The following GHR variants were observed in gnomAD, a reference collection of about 807,000 sequenced individuals.
GHR encodes the protein GH receptor.
A neutral mutation model predicts 67.1 loss-of-function variants in GHR; 35 were observed. The observed-to-expected ratio is 0.52, with a 90% CI of 0.40 to 0.69. The LOEUF is 0.69. Among genes scored for constraint, GHR ranks in the 30% least tolerant of loss-of-function variants. The pLI, the probability that GHR is intolerant of heterozygous loss-of-function variation, is 0.00. For missense variants in GHR, 792 were observed against 764.6 expected (o/e 1.04, Z -0.42); for synonymous variants, 272 against 269.1 (o/e 1.01, Z -0.10).
At chr5:42,525,905 A>G (rs1489941013) in intron 1 of GHR, among the ~76,000 whole-genome samples, 2 of 152,216 alleles carry the variant, frequency 1.3e-5, no homozygotes, top group African/African-American at 2.4e-5. Flanking sequence ...GAGGGCTCCC[A>G]TACATGTGGA....
intron 1 of GHR, among the ~76,000 whole-genome samples, chr5:42,560,501 T>C (rs1420604983): frequency 6.6e-6 from 1 of 152,158 alleles, no homozygotes; most frequent in African/African-American, 2.4e-5. Flanking sequence ...CAATACACTT[T>C]TAATATAATT....
At chr5:42,536,485 A>G (rs775617925) in intron 1 of GHR, among the ~76,000 whole-genome samples, 18 of 152,128 alleles carry the variant, frequency 1.2e-4, no homozygotes, top group Admixed American at 1.1e-3. Flanking sequence ...TGCATATGTT[A>G]AACCATCTCT....
At chr5:42,568,197 C>T (rs1370469904) in intron 2 of GHR, among the ~76,000 whole-genome samples, 1 of 151,888 alleles carries the variant, frequency 6.6e-6, no homozygotes, top group Non-Finnish European at 1.5e-5. Context: ...GGCAGATGAG[C>T]AATTAGAAAT....
chr5:42,435,912 G>C (rs1468204768), intron 1 of GHR, among the ~76,000 whole-genome samples: 1 of 152,186 alleles, frequency 6.6e-6, no homozygotes, highest in Non-Finnish European at 1.5e-5. Flanking sequence ...CACAAAGTAT[G>C]TTCTCCAAAC....
At chr5:42,431,042 A>C (rs1006451048) in intron 1 of GHR, among the ~76,000 whole-genome samples, 1 of 152,202 alleles carries the variant, frequency 6.6e-6, no homozygotes, top group African/African-American at 2.4e-5. Flanking sequence ...AACAAGCAAA[A>C]AGGAGAAGTA....
At chr5:42,565,640 C>T (rs1749881308) in intron 1 of GHR, 1 of 984,910 alleles carries the variant, frequency 1.0e-6, no homozygotes, top group African/African-American at 1.7e-5. Context: ...CATGTTATTT[C>T]CTGAGACTAG....
At chr5:42,703,513 A>G (rs1269590348) in intron 6 of GHR, among the ~76,000 whole-genome samples, 1 of 151,952 alleles carries the variant, frequency 6.6e-6, no homozygotes, top group Non-Finnish European at 1.5e-5. Context: ...TTCTTGTTCA[A>G]GATTGCTTTG....
At chr5:42,635,980 G>A (rs1020071660) in intron 3 of GHR, among the ~76,000 whole-genome samples, 3 of 152,040 alleles carry the variant, frequency 2.0e-5, no homozygotes, top group Non-Finnish European at 4.4e-5. Context: ...GGAGGCCGAG[G>A]TGGGCGGATC....
chr5:42,598,673 A>C (rs144156073), intron 2 of GHR, among the ~76,000 whole-genome samples: 2 of 152,312 alleles, frequency 1.3e-5, no homozygotes, highest in Non-Finnish European at 2.9e-5. Context: ...TTCAGTTTTA[A>C]AGTTAATTTA....
intron 1 of GHR, among the ~76,000 whole-genome samples, chr5:42,517,689 T>G (rs1305280758): frequency 6.6e-6 from 1 of 152,212 alleles, no homozygotes; most frequent in Non-Finnish European, 1.5e-5. Flanking sequence ...AAAATAAATT[T>G]CTAAATCTTA....
chr5:42,614,941 T>G (rs964425294), intron 2 of GHR, among the ~76,000 whole-genome samples: 6 of 152,032 alleles, frequency 3.9e-5, no homozygotes, highest in African/African-American at 1.4e-4. Context: ...ATTTTTAAAA[T>G]GTTTATCCCT....
intron 1 of GHR, among the ~76,000 whole-genome samples, chr5:42,434,791 T>G (rs775241754): frequency 6.6e-6 from 1 of 152,210 alleles, no homozygotes. Context: ...CACACACAGA[T>G]TCACCTGTAA....
At chr5:42,511,185 C>T (rs1225542656) in intron 1 of GHR, among the ~76,000 whole-genome samples, 2 of 152,200 alleles carry the variant, frequency 1.3e-5, no homozygotes, top group Non-Finnish European at 2.9e-5. Context: ...GCCTGGAATG[C>T]TTTCCCTCCA....
At chr5:42,615,751 A>G (rs920820174) in intron 2 of GHR, among the ~76,000 whole-genome samples, 1 of 152,060 alleles carries the variant, frequency 6.6e-6, no homozygotes, top group Non-Finnish European at 1.5e-5. Flanking sequence ...CAAAAAAAAA[A>G]AAACATAGAA....
chr5:42,717,849 G>C (rs1028641156), intron 8 of GHR, among the ~76,000 whole-genome samples: 3 of 150,446 alleles, frequency 2.0e-5, no homozygotes, highest in African/African-American at 7.5e-5. Context: ...GGGTTTTTTA[G>C]TTGTTCTTTT....
intron 1 of GHR, among the ~76,000 whole-genome samples, chr5:42,538,646 A>G (rs867746461): frequency 6.6e-6 from 1 of 152,140 alleles, no homozygotes; most frequent in Non-Finnish European, 1.5e-5. Context: ...CCTGGTAACA[A>G]TGTGCCTAGG....
chr5:42,526,815 T>C (rs1009937902), intron 1 of GHR, among the ~76,000 whole-genome samples: 1 of 152,084 alleles, frequency 6.6e-6, no homozygotes, highest in Non-Finnish European at 1.5e-5. Context: ...AAAGAAAGAA[T>C]GTTAAAATCA....
rs1742741469 is a variant in GHR, at chr5:42,424,221, T to TGTGTGTGTGTGTGTGTGTGGG, written c.-12+267_-12+268insTGTGTGTGTGTGTGTGTGGGG. Among the ~76,000 whole-genome samples the TGTGTGTGTGTGTGTGTGTGGG allele has an allele frequency of 7.0e-6, 1 of 142,154 alleles. No individual in the cohort carries two copies. Among genetic ancestry groups the TGTGTGTGTGTGTGTGTGTGGG allele is most frequent in the Non-Finnish European group, 1.5e-5 (1 of 64,776 alleles). The allele number at this position is 142,154 out of a possible 152,430, so 93.3% of individuals were successfully genotyped here. A position where few individuals can be genotyped will look rare whatever the true frequency, so the allele number is the denominator to read the frequency against. On this transcript the variant is annotated intron_variant, in intron 1 of 9. Transcript: ENST00000230882. This position sits in a 1 kb window ranked among gnomAD's most constrained non-coding sequence, Gnocchi z 4.1. ...GTGTGTGTGTGTGTGTGTGTGTGTC[T>TGTGTGTGTGTGTGTGTGTGGG]GGAAGTTGGTGAGGGCGGCAGGGAG...
chr5:42,479,411 G>A lies in GHR; in HGVS notation c.-12+55456G>A, dbSNP rs181894151. Among the ~76,000 whole-genome samples the A allele has an allele frequency of 6.7e-4, 102 of 152,338 alleles. No homozygotes were observed. The Middle Eastern group carries it at 0.031, about 46-fold the overall frequency. Reference sequence around the variant, plus strand: ...GATGCTAGCCTCATAAAATGAGTTAGGGAGGATTCCCTCTTTTTCTATTGA... The same window carrying A: ...GATGCTAGCCTCATAAAATGAGTTAAGGAGGATTCCCTCTTTTTCTATTGA... On this transcript the variant is annotated intron_variant, in intron 1 of 9. Transcript: ENST00000230882.
Sources: allele counts gnomAD v4.1 joint callset (sites outside exome capture counted in the v4.1 genomes callset), GRCh38; gene constraint gnomAD v4.1.1; non-coding constraint Gnocchi (gnomAD v3.1); transcripts MANE v1.5; gene names NCBI Gene and HGNC (gene_info 2026-07-23, HGNC 2026-07-21).